The following LRRFIP1 variants were observed in gnomAD, a reference collection of about 807,000 sequenced individuals.
LRRFIP1 encodes leucine-rich repeat flightless-interacting protein 1.
A neutral mutation model predicts 104.4 loss-of-function variants in LRRFIP1; 62 were observed. The observed-to-expected ratio is 0.59, with a 90% confidence interval of 0.48 to 0.73. The LOEUF (loss-of-function observed/expected upper bound fraction) is 0.73, where lower values mean the gene tolerates loss of function less well. Ranked by LOEUF, LRRFIP1 falls within the 30% of genes least tolerant of loss-of-function variation. The pLI, the probability that LRRFIP1 is intolerant of heterozygous loss-of-function variation, is 0.00. For missense variants in LRRFIP1, 796 were observed against 824.5 expected, an observed-to-expected ratio of 0.97 and a Z score of 0.42; for synonymous variants, 300 against 299.0, an observed-to-expected ratio of 1.00 and a Z score of -0.03.
chr2:237,656,422 A>G (rs549812849), intron 1 of LRRFIP1, among the ~76,000 whole-genome samples: 1 of 152,228 alleles, frequency 6.6e-6, no homozygotes, highest in African/African-American at 2.4e-5. Flanking sequence ...TGTGAAATAT[A>G]TGGTTTATCA....
rs2093673007 is a variant in LRRFIP1 at position 237,703,963 on chromosome 2, T to A, written c.97-4581T>A. ...CATGAGATTTTATATTTTACAAAAG[T>A]GTCAGTCGATAAAGGATTTGTCCTG... On this transcript the variant is annotated intron_variant, in intron 1 of 23. Coordinates refer to ENST00000308482, the MANE Select transcript of LRRFIP1 (RefSeq NM_001137550.2). This position sits in a 1 kb window ranked among gnomAD's most constrained non-coding sequence, Gnocchi z 4.3. Among the ~76,000 whole-genome samples, 1 of 151,858 alleles carries A rather than the reference T, an allele frequency of 6.6e-6. No homozygotes were observed. Among genetic ancestry groups the A allele is most frequent in the Non-Finnish European group, 1.5e-5 (1 of 67,970 alleles).
chr2:237,697,597 G>A (rs2149836380), intron 1 of LRRFIP1, among the ~76,000 whole-genome samples: 1 of 152,334 alleles, frequency 6.6e-6, no homozygotes, highest in African/African-American at 2.4e-5. Context: ...ATATAGGAAA[G>A]ATTGTCAGTT....
rs75409786 is a variant in LRRFIP1 at position 237,651,749 on chromosome 2, A to C, written c.96+24009A>C. On this transcript the variant is annotated intron_variant, in intron 1 of 23. Coordinates refer to ENST00000308482, the MANE Select transcript of LRRFIP1 (RefSeq NM_001137550.2). ...ACATTTTTAAAAAGCGAAATGCATA[A>C]AATCTATTTTAATAATATATTTTAT... Among the ~76,000 whole-genome samples the C allele has an allele frequency of 9.4e-3, 1,434 of 152,390 alleles. 18 individuals carry two copies. Among genetic ancestry groups the C allele is most frequent in the African/African-American group, 0.029 (1,186 of 41,586 alleles).
intron 1 of LRRFIP1, among the ~76,000 whole-genome samples, chr2:237,694,860 C>A (rs573383000): frequency 6.6e-6 from 1 of 152,204 alleles, no homozygotes; most frequent in African/African-American, 2.4e-5. Flanking sequence ...TGTGTCACCC[C>A]GCTCTCTTTC....
chr2:237,724,270 T>C (rs553678671), intron 7 of LRRFIP1, among the ~76,000 whole-genome samples: 1 of 152,366 alleles, frequency 6.6e-6, no homozygotes, highest in African/African-American at 2.4e-5. Context: ...CTGAAGTTAT[T>C]GTAGCATATT....
chr2:237,658,920 ATAT>A (rs2087329227), intron 1 of LRRFIP1, among the ~76,000 whole-genome samples: 1 of 150,466 alleles, frequency 6.6e-6, no homozygotes, highest in Non-Finnish European at 1.5e-5. Flanking sequence ...AGGTATGAAA[ATAT>A]TATAAGTCTG....
intron 8 of LRRFIP1, among the ~76,000 whole-genome samples, chr2:237,733,406 C>T (rs889488952): frequency 6.6e-6 from 1 of 152,146 alleles, no homozygotes; most frequent in Non-Finnish European, 1.5e-5. Flanking sequence ...CCAAGTGTGT[C>T]GTTAACCTTG....
chr2:237,757,775 G>A (rs965117970), intron 17 of LRRFIP1, among the ~76,000 whole-genome samples: 2 of 152,118 alleles, frequency 1.3e-5, no homozygotes, highest in Admixed American at 1.3e-4. Flanking sequence ...GGAGGGTCTT[G>A]TGAATGCGTA....
At chr2:237,736,142 G>T (rs1392746145) in intron 10 of LRRFIP1, among the ~76,000 whole-genome samples, 1 of 152,210 alleles carries the variant, frequency 6.6e-6, no homozygotes, top group Non-Finnish European at 1.5e-5. Context: ...TATGCTATTT[G>T]TCCAGCCATC....
At chr2:237,750,326 C>CTTTTTTTTTTTTTTTTTT (rs928510240) in intron 13 of LRRFIP1, among the ~76,000 whole-genome samples, 37 of 60,696 alleles carry the variant, frequency 6.1e-4, no homozygotes, top group Non-Finnish European at 9.2e-4. Flanking sequence ...TTCTTTCTTT[C>CTTTTTTTTTTTTTTTTTT]TTTTTTTTTT....
chr2:237,763,086 T>C (rs1482679672), intron 19 of LRRFIP1: 2 of 1,614,116 alleles, frequency 1.2e-6, no homozygotes, highest in Non-Finnish European at 1.7e-6. Context: ...AAATGTATGG[T>C]AGAGGTCCCC....
At chr2:237,757,395 G>T (rs540860516) in intron 16 of LRRFIP1, 61 bp from the exon 17 acceptor site, 1 of 1,121,612 alleles carries the variant, frequency 8.9e-7, no homozygotes, top group Non-Finnish European at 1.3e-6. Flanking sequence ...GTTCTCTCTC[G>T]GGCTGGGGTT....
rs2095342609 is a variant in LRRFIP1 at position 237,739,244 on chromosome 2, A to G, written c.568A>G (p.Ser190Gly). 1 of 1,562,796 alleles carries G rather than the reference A, an allele frequency of 6.4e-7. No individual in the cohort carries two copies. Among genetic ancestry groups the G allele is most frequent in the Non-Finnish European group, 8.7e-7 (1 of 1,153,772 alleles). ...GCTGTGTGGGCAGCCCTCGGAGTAC[A>G]GCGGCCACCTCAACTCCAGCTCCCG... ...TSGSRAPSEYSGHLNSSSRAS... is the reference protein window; with the variant it reads ...TSGSRAPSEYGGHLNSSSRAS... Residue 190 changes from serine to glycine, a missense_variant, in exon 11 of 24, where the codon AGC (serine) becomes GGC (glycine). Ser to Gly is a moderately conservative substitution (Grantham distance 56). Coordinates refer to ENST00000308482, the MANE Select transcript of LRRFIP1 (RefSeq NM_001137550.2).
chr2:237,697,266 T>G (rs1288605139), intron 1 of LRRFIP1, among the ~76,000 whole-genome samples: 12 of 151,958 alleles, frequency 7.9e-5, no homozygotes, highest in Admixed American at 6.6e-4. Flanking sequence ...CAAGTGATCC[T>G]CCCATCTCGG....
At chr2:237,741,764 G>T (rs1348784607) in intron 11 of LRRFIP1, among the ~76,000 whole-genome samples, 1 of 151,938 alleles carries the variant, frequency 6.6e-6, no homozygotes, top group Non-Finnish European at 1.5e-5. Flanking sequence ...GGAGGTGGAG[G>T]TTGCAGTGAG....
At chr2:237,645,831 C>T (rs1177269213) in intron 1 of LRRFIP1, among the ~76,000 whole-genome samples, 11 of 151,998 alleles carry the variant, frequency 7.2e-5, no homozygotes, top group Admixed American at 7.2e-4. Context: ...ATCTGGATTG[C>T]AGAGAAGGGT....
chr2:237,632,513 C>T (rs1575003902), intron 1 of LRRFIP1, among the ~76,000 whole-genome samples: 2 of 152,210 alleles, frequency 1.3e-5, no homozygotes, highest in African/African-American at 4.8e-5. Flanking sequence ...AAAGCCATGC[C>T]CCTTGTTTCA....
chr2:237,629,864 G>T (rs1381993661), intron 1 of LRRFIP1, among the ~76,000 whole-genome samples: 2 of 152,212 alleles, frequency 1.3e-5, no homozygotes, highest in African/African-American at 4.8e-5. Context: ...CACCGAGGGA[G>T]ATGCAGTTGG....
intron 1 of LRRFIP1, among the ~76,000 whole-genome samples, chr2:237,685,104 AC>A (rs755385140): frequency 0.037 from 644 of 17,410 alleles, 6 homozygotes; most frequent in African/African-American, 0.1. Context: ...TTGTCTCCCT[AC>A]CCTCCCCCCC....
Sources: gnomAD v4.1 joint callset for allele counts (sites outside exome capture counted in the v4.1 genomes callset) on GRCh38, gnomAD v4.1.1 for gene constraint, Gnocchi (gnomAD v3.1) non-coding constraint, MANE v1.5 for transcripts, NCBI Gene and HGNC (gene_info 2026-07-23, HGNC 2026-07-21) for gene names.